The following ARHGEF38 variants were observed in gnomAD, a reference collection of about 807,000 sequenced individuals.
ARHGEF38 encodes Rho guanine nucleotide exchange factor (GEF) 38.
A neutral mutation model predicts 79.9 loss-of-function variants in ARHGEF38; 79 were observed. The observed-to-expected ratio is 0.99, with a 90% CI of 0.82 to 1.19. The LOEUF (loss-of-function observed/expected upper bound fraction) is 1.19, where lower values mean the gene tolerates loss of function less well. Among genes scored for constraint, ARHGEF38 ranks in the 50% most tolerant of loss-of-function variants. The probability of loss-of-function intolerance (pLI) is 0.00; values close to 1 mark genes in which losing one functional copy is unlikely to be tolerated. For missense variants in ARHGEF38, 962 were observed against 907.2 expected, an observed-to-expected ratio of 1.06 and a Z score of -0.78; for synonymous variants, 366 against 328.3, an observed-to-expected ratio of 1.11 and a Z score of -1.24.
At chr4:105,613,295 G>A (rs999562830) in intron 2 of ARHGEF38, 89 bp from the exon 3 acceptor site, 43 of 1,414,574 alleles carry the variant, frequency 3.0e-5, no homozygotes, top group African/African-American at 4.3e-5. Flanking sequence ...GACAGCATGC[G>A]CTGGCATTTA....
intron 9 of ARHGEF38, among the ~76,000 whole-genome samples, chr4:105,657,401 A>G (rs1207626183): frequency 2.0e-5 from 3 of 152,206 alleles, no homozygotes; most frequent in African/African-American, 7.2e-5. Context: ...TGGATAACAT[A>G]TATAGAACTC....
At chr4:105,621,609 A>C (rs1368763142) in intron 3 of ARHGEF38, among the ~76,000 whole-genome samples, 1 of 152,172 alleles carries the variant, frequency 6.6e-6, no homozygotes, top group Non-Finnish European at 1.5e-5. Context: ...AGGTCCCTGA[A>C]GTAGAAATCT....
chr4:105,639,962 C>T (rs1275387880), intron 5 of ARHGEF38, among the ~76,000 whole-genome samples: 2 of 152,044 alleles, frequency 1.3e-5, no homozygotes, highest in Non-Finnish European at 2.9e-5. Flanking sequence ...CCCCTCTTCT[C>T]CTGCCAGCCC....
At chr4:105,640,189 CT>C (rs763183348) in intron 5 of ARHGEF38, among the ~76,000 whole-genome samples, 17 of 152,154 alleles carry the variant, frequency 1.1e-4, no homozygotes, top group Middle Eastern at 3.4e-3. Context: ...TCCATTCCCC[CT>C]AAGTTGTTAC....
intron 2 of ARHGEF38, among the ~76,000 whole-genome samples, chr4:105,610,096 C>T (rs1406702974): frequency 6.6e-6 from 1 of 152,084 alleles, no homozygotes; most frequent in South Asian, 2.1e-4. Flanking sequence ...CCTCTGCAAA[C>T]TAACAAAGAA....
chr4:105,561,459 A>AGAATAGAATAGAATGGAATG (rs1725575512), intron 1 of ARHGEF38: 3 of 38,074 alleles, frequency 7.9e-5, no homozygotes, highest in African/African-American at 2.2e-4. Context: ...GGAATAGAAT[A>AGAATAGAATAGAATGGAATG]GAATAGAATA....
chr4:105,641,971 T>C (rs148837003), intron 5 of ARHGEF38, among the ~76,000 whole-genome samples: 7 of 152,256 alleles, frequency 4.6e-5, no homozygotes, highest in African/African-American at 1.7e-4. Context: ...TGAAATAGAA[T>C]TACAAATTAA....
intron 8 of ARHGEF38, among the ~76,000 whole-genome samples, chr4:105,654,564 G>A (rs529342358): frequency 6.6e-6 from 1 of 152,040 alleles, no homozygotes. Flanking sequence ...CAATATAAAG[G>A]AAAATAAATT....
chr4:105,573,060 C>A (rs1578266890), intron 1 of ARHGEF38, among the ~76,000 whole-genome samples: 1 of 138 alleles, frequency 7.2e-3, no homozygotes, highest in Non-Finnish European at 0.016. Context: ...TATTCAAGTG[C>A]CTTTGCTCAT....
At chr4:105,558,421 C>T (rs1293482244) in intron 1 of ARHGEF38, among the ~76,000 whole-genome samples, 1 of 152,040 alleles carries the variant, frequency 6.6e-6, no homozygotes, top group Non-Finnish European at 1.5e-5. Flanking sequence ...GTGAGTAGCT[C>T]CTTCCCCTTT....
At chr4:105,561,484 A>AGAATGGAATGGAATGGAATGGAATG (rs1560684665) in intron 1 of ARHGEF38, 1 of 59,920 alleles carries the variant, frequency 1.7e-5, no homozygotes, top group Non-Finnish European at 4.0e-5. Flanking sequence ...AGAATAGAAT[A>AGAATGGAATGGAATGGAATGGAATG]GAATAGAATA....
chr4:105,650,519 C>T (rs1401749339), intron 7 of ARHGEF38, among the ~76,000 whole-genome samples: 1 of 152,210 alleles, frequency 6.6e-6, no homozygotes, highest in Non-Finnish European at 1.5e-5. Flanking sequence ...TACTCTGCCC[C>T]TGCCTCACCT....
At chr4:105,603,083 G>C (rs1421689517) in intron 2 of ARHGEF38, among the ~76,000 whole-genome samples, 1 of 152,082 alleles carries the variant, frequency 6.6e-6, no homozygotes, top group Admixed American at 6.6e-5. Context: ...TGTCTAGTTT[G>C]GGAACTGCCT....
At chr4:105,553,045 A>C (rs1481550381) in intron 1 of ARHGEF38, 84 bp downstream of exon 1, 5 of 1,100,316 alleles carry the variant, frequency 4.5e-6, no homozygotes, top group Non-Finnish European at 6.4e-6. Context: ...GAAAACACAC[A>C]AGGCAGAGGG....
chr4:105,678,049 C>G lies in ARHGEF38; in HGVS notation c.*112C>G, dbSNP rs1455081823. 1.2e-6 allele frequency: 1 copy of G among 869,514 alleles called. No homozygotes were observed. Among genetic ancestry groups the G allele is most frequent in the Non-Finnish European group, 1.7e-6 (1 of 594,818 alleles). The allele number at this position is 869,514 out of a possible 1,614,324, so 53.9% of individuals were successfully genotyped here. ...GCAAGAAACCTCTGAACTACAGAAA[C>G]TGATACTGTACTGGGTTTTCAGGAA... On this transcript the variant is annotated 3_prime_UTR_variant, in exon 14 of 14. Transcript: ENST00000420470.
At chr4:105,631,860 C>G (rs958726281) in intron 4 of ARHGEF38, among the ~76,000 whole-genome samples, 3 of 152,166 alleles carry the variant, frequency 2.0e-5, no homozygotes, top group African/African-American at 7.2e-5. Flanking sequence ...TACCCAGTGG[C>G]TCTCTTACAG....
chr4:105,647,822 T>C (rs910863364), intron 6 of ARHGEF38, among the ~76,000 whole-genome samples: 2 of 151,940 alleles, frequency 1.3e-5, no homozygotes, highest in Non-Finnish European at 2.9e-5. Context: ...TCTCAGCCAG[T>C]GAAGAGGTGC....
intron 2 of ARHGEF38, among the ~76,000 whole-genome samples, chr4:105,590,154 AAGAGAG>A (rs904300657): frequency 6.6e-6 from 1 of 150,376 alleles, no homozygotes. Context: ...GAAAGAAAGA[AAGAGAG>A]AGAGAGAGAG....
At chr4:105,639,657 G>A (rs1352076703) in intron 5 of ARHGEF38, among the ~76,000 whole-genome samples, 1 of 151,830 alleles carries the variant, frequency 6.6e-6, no homozygotes, top group Non-Finnish European at 1.5e-5. Context: ...GAATAGGATT[G>A]TCAAATTTAC....
Sources: allele counts gnomAD v4.1 joint callset (sites outside exome capture counted in the v4.1 genomes callset), GRCh38; gene constraint gnomAD v4.1.1; transcripts MANE v1.5; gene names NCBI Gene and HGNC (gene_info 2026-07-23, HGNC 2026-07-21).